Variants in TOP2A observed in about 807,000 individuals in gnomAD.
The protein encoded by TOP2A is DNA topoisomerase II alpha.
A neutral mutation model predicts 187.2 loss-of-function variants in TOP2A; 68 were observed. The ratio of observed to expected loss-of-function variants is 0.36; its 90% CI spans 0.30 to 0.44. TOP2A has a LOEUF of 0.44. Ranked by LOEUF, TOP2A falls within the 20% of genes least tolerant of loss-of-function variation. The pLI, the probability that TOP2A is intolerant of heterozygous loss-of-function variation, is 1.00. For synonymous variants in TOP2A, 542 were observed against 593.2 expected (o/e 0.91, Z 1.25); for missense variants, 1,196 against 1,808.7 (o/e 0.66, Z 6.14).
At chr17:40,400,102 G>A (rs769891748) in intron 23 of TOP2A, 35 bp from the exon 24 acceptor site, 3 of 1,593,676 alleles carry the variant, frequency 1.9e-6, no homozygotes, top group Non-Finnish European at 2.6e-6. Flanking sequence ...GCCAAGAATA[G>A]ACAAATTGGC....
intron 27 of TOP2A, among the ~76,000 whole-genome samples, chr17:40,397,776 G>GTT (rs996053675): frequency 6.7e-6 from 1 of 149,824 alleles, no homozygotes; most frequent in African/African-American, 2.5e-5. Context: ...ATTCTAAATA[G>GTT]TATTTTTTTT....
At chr17:40,398,982 A>G (rs947084085) in intron 25 of TOP2A, 45 bp from the exon 26 acceptor site, 1 of 1,599,018 alleles carries the variant, frequency 6.3e-7, no homozygotes, top group East Asian at 2.2e-5. Context: ...AATGTGAAAC[A>G]TAAACATTGT....
chr17:40,396,535 G>C, intron 27 of TOP2A, 70 bp from the exon 28 acceptor site: 1 of 1,540,186 alleles, frequency 6.5e-7, no homozygotes, highest in Non-Finnish European at 8.8e-7. Context: ...ACACCCAACA[G>C]TTAAACTGAT....
chr17:40,402,899 T>C lies in TOP2A; in HGVS notation c.2432+7A>G, dbSNP rs762072641. 1.9e-6 allele frequency: 3 copies of C among 1,592,278 alleles called. No individual in the cohort carries two copies. Among genetic ancestry groups the C allele is most frequent in the Non-Finnish European group, 2.6e-6 (3 of 1,167,710 alleles). Reference sequence around the variant, plus strand: ...GGCAAGTCACTAGAAAGTGAAAGCATACCTACCTGAGCATTGTAAAGATGT... The same window carrying C: ...GGCAAGTCACTAGAAAGTGAAAGCACACCTACCTGAGCATTGTAAAGATGT... On this transcript the variant is annotated splice_region_variant and intron_variant, in intron 20 of 34. Coordinates refer to ENST00000423485, the MANE Select transcript of TOP2A (RefSeq NM_001067.4).
chr17:40,395,488 G>C lies in TOP2A; in HGVS notation c.3772C>G (p.Leu1258Val), dbSNP rs752426759. 1.2e-6 allele frequency: 2 copies of C among 1,611,522 alleles called. No homozygotes were observed. Among genetic ancestry groups the C allele is most frequent in the African/African-American group, 2.7e-5 (2 of 74,690 alleles). Residue 1258 changes from leucine to valine, a missense_variant, in exon 29 of 35, where the codon CTA becomes GTA. Leu to Val is a conservative substitution (Grantham distance 32). This residue lies in a region of TOP2A where 374 missense variants were observed against 403.3 expected (regional missense o/e 0.93). Transcript: ENST00000423485. ...TGTTTCTTTTCTAATCTTTGTTTTA[G>C]GCCTTCTAGTTCCACACCATCTTCT... ...PQEDGVELEG[L>V]KQRLEKKQKR...
At position 40,412,977 on chromosome 17, in the gene TOP2A, G is replaced by C. The variant is rs373167714; in HGVS notation, c.577-6C>G. On this transcript the variant is annotated splice_region_variant and splice_polypyrimidine_tract_variant and intron_variant, in intron 6 of 34. Coordinates refer to ENST00000423485, the MANE Select transcript of TOP2A (RefSeq NM_001067.4). The stretch of plus-strand genomic sequence containing the variant: ...CCCATATTATCCATCCATGTCTATG[G>C]AAGTAAAGAATAGGAAACATGAAAA... 8 of 1,602,474 alleles carry C rather than the reference G, an allele frequency of 5.0e-6. No individual in the cohort carries two copies. In the African/African-American group the frequency reaches 8.0e-5, roughly 16 times the overall value.
At chr17:40,395,647 G>A (rs1374000397) in intron 28 of TOP2A, 108 bp from the exon 29 acceptor site, 18 of 677,018 alleles carry the variant, frequency 2.7e-5, no homozygotes, top group Non-Finnish European at 3.3e-5. Flanking sequence ...TGTAATCCCA[G>A]CACTTTGGGA....
Position 40,391,534 on chromosome 17 carries a change from A to T in TOP2A, c.4239T>A (p.Asn1413Lys). The change falls in exon 33 of 35, where the codon AAT becomes AAA. Residue 1413 changes from asparagine (N) to lysine (K), a missense_variant. By Grantham distance (94) the Asn-to-Lys change is moderately conservative. Transcript: ENST00000423485. ...TEITNPVPKK[N>K]VTVKKTAAKS... is the part of the protein sequence containing the mutation. The stretch of plus-strand genomic sequence containing the variant: ...TTGCTGCTGTCTTCTTCACTGTCAC[A>T]TTCTTTTTAGGAACTGGGTTTGTAA... The T allele has an allele frequency of 6.2e-7, 1 of 1,612,608 alleles. No homozygotes were observed. The highest frequency in any genetic ancestry group is 8.5e-7 in the Non-Finnish European group (1 of 1,179,426).
chr17:40,417,516 G>A (rs1252216107), intron 1 of TOP2A: 6 of 1,411,856 alleles, frequency 4.2e-6, no homozygotes, highest in Non-Finnish European at 5.5e-6. Context: ...GATCCACTAC[G>A]GGACCAACGG....
intron 10 of TOP2A, 101 bp from the exon 11 acceptor site, chr17:40,408,731 A>T: frequency 7.9e-7 from 1 of 1,272,300 alleles, no homozygotes; most frequent in Non-Finnish European, 1.1e-6. Flanking sequence ...AAAATGATTC[A>T]AAAATTAAAA....
intron 2 of TOP2A, 111 bp from the exon 3 acceptor site, chr17:40,416,623 AG>A (rs1230284094): frequency 7.0e-7 from 1 of 1,431,110 alleles, no homozygotes; most frequent in Non-Finnish European, 9.7e-7. Context: ...GGCCAGTTCC[AG>A]TGACACTCAG....
chr17:40,391,372 G>T (rs1321238297), intron 33 of TOP2A, 134 bp downstream of exon 33: 2 of 907,152 alleles, frequency 2.2e-6, no homozygotes, highest in Non-Finnish European at 3.2e-6. Context: ...AGATCGAAAA[G>T]AAATTGCTTC....
chr17:40,398,474 G>T, intron 27 of TOP2A, 84 bp downstream of exon 27: 1 of 1,198,274 alleles, frequency 8.3e-7, no homozygotes. Flanking sequence ...ATTGCCAATT[G>T]TGAACTATCT....
rs567097428 is a variant in TOP2A at position 40,407,400 on chromosome 17, G to T, written c.1626+149C>A. ...TAACCTGTATTTGCAACATACATATGATATAAGCATATCTGATTAGATGTT... is the reference window on the plus strand; with the variant it reads ...TAACCTGTATTTGCAACATACATATTATATAAGCATATCTGATTAGATGTT... On this transcript the variant is annotated intron_variant, in intron 13 of 34. Coordinates refer to ENST00000423485, the MANE Select transcript of TOP2A (RefSeq NM_001067.4). 30 of 620,000 alleles carry T rather than the reference G, an allele frequency of 4.8e-5. No homozygotes were observed. The East Asian group carries it at 8.8e-4, about 18-fold the overall frequency. 38.4% of individuals were successfully genotyped at this position (620,000 alleles called of 1,614,324 possible).
intron 19 of TOP2A, among the ~76,000 whole-genome samples, chr17:40,403,454 T>C (rs1268288190): frequency 6.6e-6 from 1 of 152,204 alleles, no homozygotes; most frequent in Non-Finnish European, 1.5e-5. Context: ...TATTTTTGTA[T>C]ACCTGGTACA....
rs754725247 is a variant in TOP2A at position 40,407,692 on chromosome 17, C to CA, written c.1501-19dup. The CA allele has an allele frequency of 9.0e-6, 14 of 1,550,124 alleles. No homozygotes were observed. Among genetic ancestry groups the CA allele is most frequent in the Non-Finnish European group, 9.5e-6 (11 of 1,156,102 alleles). ...TCCATGATCTGAAATGGACATATAC[C>CA]AAAAAAAGCATCGTTTATAAATTTG... is the stretch of plus-strand genomic sequence containing the variant. On this transcript the variant is annotated intron_variant, in intron 12 of 34. Coordinates refer to ENST00000423485, the MANE Select transcript of TOP2A (RefSeq NM_001067.4).
intron 23 of TOP2A, 41 bp from the exon 24 acceptor site, chr17:40,400,108 T>C (rs761333563): frequency 9.3e-5 from 148 of 1,592,580 alleles, no homozygotes; most frequent in South Asian, 2.2e-4. Context: ...AATAGACAAA[T>C]TGGCTAAACT....
At position 40,413,591 on chromosome 17, in the gene TOP2A, T is replaced by A. The variant is rs1418769357; in HGVS notation, c.367A>T (p.Lys123Ter). 4.8e-6 allele frequency: 7 copies of A among 1,449,202 alleles called. No homozygotes were observed. The highest frequency in any genetic ancestry group is 2.8e-5 in the African/African-American group (2 of 70,528). The allele number at this position is 1,449,202 out of a possible 1,614,324, so 89.8% of individuals were successfully genotyped here. ...TTGTGTTCAACAACAGGAATACCTT[T>A]TCCATTATTCCATATACTAATTAAA... ...NNLISIWNNG[K>*]GIPVVEHKVE... The change falls in exon 5 of 35, where the codon AAA becomes TAA. Residue 123 changes from lysine to a stop codon, truncating the protein, a stop_gained. Transcript: ENST00000423485. LOFTEE classifies it high-confidence loss of function.
Position 40,389,558 on chromosome 17 carries a change from T to C in TOP2A, c.4557A>G (p.Ile1519Met), listed in dbSNP as rs754626880. 1.9e-5 allele frequency: 30 copies of C among 1,599,822 alleles called. No individual in the cohort carries two copies. The highest frequency in any genetic ancestry group is 2.5e-5 in the Non-Finnish European group (29 of 1,172,540). The stretch of plus-strand genomic sequence containing the variant: ...CTTCATCTGACTCTTCCAGGTACTT[T>C]ATAGGTTTCTTTGCCCGTACAGATT... ...RAKSVRAKKPIKYLEESDEDD... is the reference protein window; with the variant it reads ...RAKSVRAKKPMKYLEESDEDD... Residue 1519 changes from isoleucine to methionine, a missense_variant, in exon 35 of 35, where the codon ATA (isoleucine) becomes ATG (methionine). Around this residue, in one of 10 missense-constraint regions of TOP2A, gnomAD observed 374 missense variants for 403.3 expected, o/e 0.93. Transcript: ENST00000423485.
Sources: gnomAD v4.1 joint callset for allele counts (sites outside exome capture counted in the v4.1 genomes callset) on GRCh38, gnomAD v4.1.1 for gene constraint, gnomAD v4.1.1 regional missense constraint, MANE v1.5 for transcripts, NCBI Gene and HGNC (gene_info 2026-07-23, HGNC 2026-07-21) for gene names.